Variants in CACNA2D1 observed in about 807,000 individuals in gnomAD.
CACNA2D1 encodes the protein voltage-dependent calcium channel subunit alpha-2/delta-1.
A neutral mutation model predicts 171.5 loss-of-function variants in CACNA2D1; 53 were observed. That is an observed-to-expected ratio of 0.31 (90% CI 0.25 to 0.39). The LOEUF is 0.39. CACNA2D1 is among the 10% of genes least tolerant of loss of function. The probability of loss-of-function intolerance (pLI) is 1.00; values close to 1 mark genes in which losing one functional copy is unlikely to be tolerated. For synonymous variants in CACNA2D1, 442 were observed against 443.1 expected, an observed-to-expected ratio of 1.00 and a Z score of 0.03; for missense variants, 903 against 1,299.8, an observed-to-expected ratio of 0.69 and a Z score of 4.69.
chr7:82,226,227 C>T (rs1168419247), intron 3 of CACNA2D1, among the ~76,000 whole-genome samples: 3 of 152,112 alleles, frequency 2.0e-5, no homozygotes, highest in Non-Finnish European at 4.4e-5. Context: ...GTACTAACAG[C>T]TTAAAATGTA....
At chr7:81,995,229 C>T (rs1219790179) in intron 19 of CACNA2D1, among the ~76,000 whole-genome samples, 1 of 152,096 alleles carries the variant, frequency 6.6e-6, no homozygotes, top group African/African-American at 2.4e-5. Flanking sequence ...TATATTATGG[C>T]TAGCCACATT....
intron 5 of CACNA2D1, among the ~76,000 whole-genome samples, chr7:82,125,992 TTAA>T (rs1790293849): frequency 1.3e-5 from 2 of 152,230 alleles, no homozygotes; most frequent in Admixed American, 1.3e-4. Flanking sequence ...ATATTAATAA[TTAA>T]TGTTTTTCAC....
intron 7 of CACNA2D1, among the ~76,000 whole-genome samples, chr7:82,076,682 C>T (rs1809007632): frequency 6.6e-6 from 1 of 152,084 alleles, no homozygotes; most frequent in Admixed American, 6.6e-5. Flanking sequence ...ATATTAAGTG[C>T]TTTAATCATT....
At chr7:82,203,415 C>T (rs541774218) in intron 3 of CACNA2D1, among the ~76,000 whole-genome samples, 2 of 152,284 alleles carry the variant, frequency 1.3e-5, no homozygotes, top group East Asian at 3.9e-4. Context: ...CGACAATGAA[C>T]TTTCACAGTG....
At chr7:82,440,246 T>C (rs533382428) in intron 1 of CACNA2D1, among the ~76,000 whole-genome samples, 5 of 152,018 alleles carry the variant, frequency 3.3e-5, no homozygotes. Flanking sequence ...GAGATAAAAG[T>C]TTGATATTAA....
At chr7:82,422,303 T>C (rs1231939684) in intron 1 of CACNA2D1, among the ~76,000 whole-genome samples, 1 of 152,166 alleles carries the variant, frequency 6.6e-6, no homozygotes, top group Non-Finnish European at 1.5e-5. Context: ...ATTCTCTTTC[T>C]TGAAGATTTT....
chr7:82,092,459 G>T (rs544485106), intron 6 of CACNA2D1, among the ~76,000 whole-genome samples: 1 of 150,578 alleles, frequency 6.6e-6, no homozygotes, highest in African/African-American at 2.5e-5. Context: ...GCCAAGCTCC[G>T]CCTCCCGGGT....
At chr7:82,152,260 GC>G (rs1286178603) in intron 4 of CACNA2D1, among the ~76,000 whole-genome samples, 15 of 63,244 alleles carry the variant, frequency 2.4e-4, no homozygotes, top group African/African-American at 5.7e-4. Flanking sequence ...TTTAGAGACT[GC>G]CCCCCCACCC....
At chr7:82,024,106 T>C (rs1801593799) in intron 12 of CACNA2D1, among the ~76,000 whole-genome samples, 1 of 151,794 alleles carries the variant, frequency 6.6e-6, no homozygotes, top group African/African-American at 2.4e-5. Context: ...TGAATAGTGC[T>C]GTAATGAATA....
At position 82,194,412 on chromosome 7, in the gene CACNA2D1, AG is replaced by A. The variant is rs1563185175; in HGVS notation, c.295-23804del. ...GGAATGGCAAAAAACAAAACAAAAAAGTTTCTTCTCTTAATGATTTGTGTGT... is the reference window on the plus strand; with the variant it reads ...GGAATGGCAAAAAACAAAACAAAAAATTTCTTCTCTTAATGATTTGTGTGT... On this transcript the variant is annotated intron_variant, in intron 3 of 38. Transcript: ENST00000356860. Among the ~76,000 whole-genome samples, 3 of 152,202 alleles carry A rather than the reference AG, an allele frequency of 2.0e-5. No individual in the cohort carries two copies. In the East Asian group the frequency reaches 5.8e-4, roughly 29 times the overall value.
In CACNA2D1 at chr7:82,443,651, C is replaced by A; in HGVS notation, c.-192G>T. The A allele has an allele frequency of 2.3e-6, 3 of 1,287,234 alleles. No individual in the cohort carries two copies. The highest frequency in any genetic ancestry group is 9.8e-7 in the Non-Finnish European group (1 of 1,025,050). 79.7% of individuals were successfully genotyped at this position (1,287,234 alleles called of 1,614,324 possible). ...GCGGGAGCGGACGCCGAGGAAGGGGCGGTGGCGGGCGGACCCACTAGCGTG... is the reference window on the plus strand; with the variant it reads ...GCGGGAGCGGACGCCGAGGAAGGGGAGGTGGCGGGCGGACCCACTAGCGTG... On this transcript the variant is annotated 5_prime_UTR_variant, in exon 1 of 39. Transcript: ENST00000356860.
chr7:82,342,353 C>A (rs1198533204), intron 2 of CACNA2D1, among the ~76,000 whole-genome samples: 1 of 152,090 alleles, frequency 6.6e-6, no homozygotes, highest in African/African-American at 2.4e-5. Context: ...ACGTAACCAG[C>A]GCATAGCACA....
intron 3 of CACNA2D1, among the ~76,000 whole-genome samples, chr7:82,223,239 C>T (rs891851776): frequency 6.6e-6 from 1 of 152,030 alleles, no homozygotes; most frequent in African/African-American, 2.4e-5. Context: ...TCTTAAAATG[C>T]TAAATTACTT....
At chr7:81,955,905 TGGGG>T (rs59823054) in intron 38 of CACNA2D1, among the ~76,000 whole-genome samples, 920 of 53,940 alleles carry the variant, frequency 0.017, 32 homozygotes, top group East Asian at 0.083. Context: ...GTTATTTTGG[TGGGG>T]GGGGGGGGGG....
intron 11 of CACNA2D1, among the ~76,000 whole-genome samples, chr7:82,034,619 C>A (rs1341610157): frequency 6.6e-6 from 1 of 151,980 alleles, no homozygotes; most frequent in African/African-American, 2.4e-5. Context: ...CCTCAAATCC[C>A]TTAACTAAAA....
In CACNA2D1 at chr7:81,974,551, C is replaced by G. The variant is rs776742698; in HGVS notation, c.1957G>C (p.Asp653His). Residue 653 changes from aspartate to histidine, a missense_variant and splice_region_variant, in exon 25 of 39, where the codon GAT (aspartate) becomes CAT (histidine). Physicochemically the swap from Asp to His is moderately conservative, Grantham distance 81 (BLOSUM62 -1). This residue lies in a region of CACNA2D1 where 623 missense variants were observed against 925.5 expected (regional missense o/e 0.67). Transcript: ENST00000356860. The stretch of plus-strand genomic sequence containing the variant: ...GATATTTTCAGGTCATTGCAGTAAT[C>G]TCTGAAAAAAAAACATTTTGAGATA... ...ESGYTFIAPRDYCNDLKISDN... is the reference protein window; with the variant it reads ...ESGYTFIAPRHYCNDLKISDN... The G allele has an allele frequency of 6.9e-7, 1 of 1,445,344 alleles. No individual in the cohort carries two copies. Among genetic ancestry groups the G allele is most frequent in the Non-Finnish European group, 9.7e-7 (1 of 1,032,884 alleles). The allele number at this position is 1,445,344 out of a possible 1,614,324, so 89.5% of individuals were successfully genotyped here.
At chr7:82,115,019 C>T (rs1039485425) in intron 6 of CACNA2D1, among the ~76,000 whole-genome samples, 1 of 152,126 alleles carries the variant, frequency 6.6e-6, no homozygotes, top group African/African-American at 2.4e-5. Context: ...ATCAACAATA[C>T]AAAACCCAAT....
intron 6 of CACNA2D1, among the ~76,000 whole-genome samples, chr7:82,091,776 T>C (rs1360929522): frequency 2.0e-5 from 3 of 152,174 alleles, no homozygotes; most frequent in Non-Finnish European, 4.4e-5. Flanking sequence ...CTTAGTAGTA[T>C]CAAAACCAAA....
chr7:82,287,262 C>T (rs969444403), intron 3 of CACNA2D1, among the ~76,000 whole-genome samples: 3 of 147,272 alleles, frequency 2.0e-5, no homozygotes, highest in Non-Finnish European at 3.0e-5. Flanking sequence ...TCTTTTCTTT[C>T]TTTTTTTTTT....
Sources: allele counts gnomAD v4.1 joint callset (sites outside exome capture counted in the v4.1 genomes callset), GRCh38; gene constraint gnomAD v4.1.1; regional missense constraint gnomAD v4.1.1; transcripts MANE v1.5; gene names NCBI Gene and HGNC (gene_info 2026-07-23, HGNC 2026-07-21).